Variants in SAMD13 observed in about 807,000 individuals in gnomAD.
The protein encoded by SAMD13 is sterile alpha motif domain containing 13, also known as sterile alpha motif domain-containing protein 13.
A neutral mutation model predicts 12.4 loss-of-function variants in SAMD13; 9 were observed. The observed-to-expected ratio is 0.72, with a 90% CI of 0.44 to 1.26. The LOEUF (loss-of-function observed/expected upper bound fraction) is 1.26. SAMD13 is among the 50% of genes most tolerant of loss of function. SAMD13 has a pLI of 0.00. For synonymous variants in SAMD13, 46 were observed against 45.4 expected (o/e 1.01, Z -0.05); for missense variants, 84 against 119.6 (o/e 0.70, Z 1.39).
chr1:84,335,062 T>A (rs903849053), intron 3 of SAMD13, among the ~76,000 whole-genome samples: 2 of 152,162 alleles, frequency 1.3e-5, no homozygotes, highest in Admixed American at 1.3e-4. Flanking sequence ...GTCTTTTAGA[T>A]CCATTTAGTC....
intron 3 of SAMD13, among the ~76,000 whole-genome samples, chr1:84,346,468 C>A (rs1204149120): frequency 6.6e-6 from 1 of 152,216 alleles, no homozygotes; most frequent in African/African-American, 2.4e-5. Flanking sequence ...AGTTAACACA[C>A]AATTCCCAAG....
At chr1:84,342,846 A>G (rs565839882) in intron 3 of SAMD13, among the ~76,000 whole-genome samples, 2 of 152,234 alleles carry the variant, frequency 1.3e-5, no homozygotes, top group Non-Finnish European at 2.9e-5. Context: ...AAAAGCAAAA[A>G]TTGACAAATG....
At chr1:84,325,519 T>TAATC in intron 2 of SAMD13, 118 bp from the exon 3 acceptor site, 1 of 660,106 alleles carries the variant, frequency 1.5e-6, no homozygotes, top group South Asian at 1.8e-5. Context: ...CCAGTGAGAG[T>TAATC]AATCATCATC....
At chr1:84,315,722 G>C (rs1430689362) in intron 2 of SAMD13, among the ~76,000 whole-genome samples, 5 of 152,098 alleles carry the variant, frequency 3.3e-5, no homozygotes, top group Non-Finnish European at 7.4e-5. Context: ...AATTCCTTTG[G>C]ATAAATACTC....
At chr1:84,336,944 A>AAGTTCAAAATCCAGCAGGGCAGTT in intron 3 of SAMD13, among the ~76,000 whole-genome samples, 1 of 152,210 alleles carries the variant, frequency 6.6e-6, no homozygotes, top group Non-Finnish European at 1.5e-5. Context: ...GCCCCCAAGC[A>AAGTTCAAAATCCAGCAGGGCAGTT]AGTTCAAAAT....
At chr1:84,318,587 T>C (rs1678881639) in intron 2 of SAMD13, among the ~76,000 whole-genome samples, 1 of 152,188 alleles carries the variant, frequency 6.6e-6, no homozygotes, top group South Asian at 2.1e-4. Flanking sequence ...AGTTGTTAGG[T>C]TGAATGTTCC....
chr1:84,341,796 T>C (rs892563075), intron 3 of SAMD13, among the ~76,000 whole-genome samples: 3 of 152,126 alleles, frequency 2.0e-5, no homozygotes, highest in African/African-American at 7.2e-5. Flanking sequence ...GAGATAGGAC[T>C]CTTTTGGTTG....
In SAMD13 at chr1:84,302,678, T is replaced by C. The variant is rs1187535063; in HGVS notation, c.-32-525T>C. On this transcript the variant is annotated intron_variant, in intron 1 of 3. Transcript: ENST00000394834. The stretch of plus-strand genomic sequence containing the variant: ...CACAGACGGGTTTTTGAGGCTTTCG[T>C]TGAGAATGTGAGGTAGGGGAATACT... 3.0e-6 allele frequency: 3 copies of C among 985,786 alleles called. No homozygotes were observed. The African/African-American group carries it at 5.3e-5, about 17-fold the overall frequency. The allele number at this position is 985,786 out of a possible 1,614,324, so 61.1% of individuals were successfully genotyped here. A position where few individuals can be genotyped will look rare whatever the true frequency, so the allele number is the denominator to read the frequency against.
intron 2 of SAMD13, among the ~76,000 whole-genome samples, chr1:84,325,304 G>A (rs1420531566): frequency 6.6e-6 from 1 of 152,086 alleles, no homozygotes; most frequent in Admixed American, 6.6e-5. Flanking sequence ...TGTGGGGATG[G>A]GGCTAGGGAA....
At chr1:84,323,870 C>G (rs964969205) in intron 2 of SAMD13, among the ~76,000 whole-genome samples, 3 of 152,154 alleles carry the variant, frequency 2.0e-5, no homozygotes, top group Non-Finnish European at 4.4e-5. Context: ...CTCTGTCTCC[C>G]ACAGGTGTAC....
chr1:84,303,030 G>T, intron 1 of SAMD13, 173 bp from the exon 2 acceptor site: 1 of 531,282 alleles, frequency 1.9e-6, no homozygotes, highest in Non-Finnish European at 3.4e-6. Context: ...GTCTCCTCCA[G>T]TTCTTTAGGT....
At chr1:84,311,008 A>G (rs996170863) in intron 2 of SAMD13, among the ~76,000 whole-genome samples, 6 of 152,122 alleles carry the variant, frequency 3.9e-5, no homozygotes, top group Non-Finnish European at 7.3e-5. Context: ...ATGCAGTGTG[A>G]TATCAAAGTT....
At chr1:84,315,136 G>A (rs898503199) in intron 2 of SAMD13, among the ~76,000 whole-genome samples, 1 of 151,230 alleles carries the variant, frequency 6.6e-6, no homozygotes, top group East Asian at 1.9e-4. Context: ...GATTTTTTAA[G>A]TGTACGATAC....
intron 3 of SAMD13, among the ~76,000 whole-genome samples, chr1:84,336,758 A>G (rs1005805595): frequency 6.6e-6 from 1 of 152,194 alleles, no homozygotes; most frequent in African/African-American, 2.4e-5. Flanking sequence ...TCATTTCAGC[A>G]TTAACTCAAA....
At chr1:84,339,347 G>C (rs1679372027) in intron 3 of SAMD13, among the ~76,000 whole-genome samples, 1 of 151,678 alleles carries the variant, frequency 6.6e-6, no homozygotes, top group Admixed American at 6.6e-5. Flanking sequence ...TGAAATTGCT[G>C]TCCTTTGGAT....
chr1:84,324,473 A>G (rs1679015362), intron 2 of SAMD13, among the ~76,000 whole-genome samples: 1 of 152,188 alleles, frequency 6.6e-6, no homozygotes, highest in Admixed American at 6.5e-5. Context: ...ATCATAGTAA[A>G]TGATGCTTGT....
intron 3 of SAMD13, among the ~76,000 whole-genome samples, chr1:84,343,294 GGCAATTCCT>G (rs1255367232): frequency 1.3e-5 from 2 of 152,160 alleles, no homozygotes; most frequent in Non-Finnish European, 2.9e-5. Context: ...AAGACAGTGT[GGCAATTCCT>G]CAAAGATCTA....
intron 3 of SAMD13, among the ~76,000 whole-genome samples, chr1:84,341,321 AGATTTAATAAG>A (rs1679420165): frequency 6.6e-6 from 1 of 152,124 alleles, no homozygotes; most frequent in Admixed American, 6.6e-5. Context: ...GGATTGGTAG[AGATTTAATAAG>A]GAACTGGAGG....
chr1:84,303,134 G>T, intron 1 of SAMD13, 69 bp from the exon 2 acceptor site: 1 of 1,210,168 alleles, frequency 8.3e-7, no homozygotes, highest in South Asian at 1.3e-5. Context: ...TTATGTTTCC[G>T]ATTCAGAATA....
Sources: gnomAD v4.1 joint callset for allele counts (sites outside exome capture counted in the v4.1 genomes callset) on GRCh38, gnomAD v4.1.1 for gene constraint, MANE v1.5 for transcripts, NCBI Gene and HGNC (gene_info 2026-07-23, HGNC 2026-07-21) for gene names.